Variants in ABCA12 observed in about 807,000 individuals in gnomAD.
The protein encoded by ABCA12 is ATP binding cassette subfamily A member 12.
Under a neutral mutation model 293.5 loss-of-function variants are expected in ABCA12, and 156 were observed. The observed-to-expected ratio is 0.53, with a 90% CI of 0.47 to 0.61. The LOEUF (loss-of-function observed/expected upper bound fraction) is 0.61. Ranked by LOEUF, ABCA12 falls within the 20% of genes least tolerant of loss-of-function variation. The pLI is 0.00. For synonymous variants in ABCA12, 1,063 were observed against 1,108.0 expected, an observed-to-expected ratio of 0.96 and a Z score of 0.81; for missense variants, 2,797 against 3,090.2, an observed-to-expected ratio of 0.91 and a Z score of 2.25.
intron 2 of ABCA12, among the ~76,000 whole-genome samples, chr2:215,098,842 G>A (rs778995534): frequency 1.6e-4 from 24 of 152,178 alleles, no homozygotes; most frequent in Admixed American, 8.5e-4. Flanking sequence ...GTGCCTCAAC[G>A]TGCAGGCCCT....
At chr2:215,004,525 G>A (rs540584626) in intron 19 of ABCA12, among the ~76,000 whole-genome samples, 3 of 152,280 alleles carry the variant, frequency 2.0e-5, no homozygotes, top group Admixed American at 6.5e-5. Flanking sequence ...AAATTGGTCA[G>A]CATGCACAGT....
At chr2:214,952,267 C>T (rs1462161168) in intron 44 of ABCA12, among the ~76,000 whole-genome samples, 1 of 147,744 alleles carries the variant, frequency 6.8e-6, no homozygotes, top group Non-Finnish European at 1.5e-5. Flanking sequence ...GTCACGCAGG[C>T]TGGAGTGCAG....
At chr2:215,038,627 G>A (rs971656177) in intron 7 of ABCA12, among the ~76,000 whole-genome samples, 1 of 152,132 alleles carries the variant, frequency 6.6e-6, no homozygotes, top group Non-Finnish European at 1.5e-5. Context: ...TCAGGTGTTG[G>A]GTTACTTCCA....
intron 3 of ABCA12, among the ~76,000 whole-genome samples, chr2:215,062,894 G>A (rs1371977988): frequency 6.6e-6 from 1 of 152,000 alleles, no homozygotes; most frequent in Admixed American, 6.6e-5. Flanking sequence ...ATTTGATCAT[G>A]CTGTTGCTTT....
intron 11 of ABCA12, among the ~76,000 whole-genome samples, chr2:215,024,687 G>A (rs1163382185): frequency 1.3e-5 from 2 of 152,130 alleles, no homozygotes; most frequent in Non-Finnish European, 2.9e-5. Context: ...TTGCATGCCT[G>A]CTTAATTATA....
At chr2:214,973,035 G>A (rs1479844303) in intron 36 of ABCA12, among the ~76,000 whole-genome samples, 1 of 151,526 alleles carries the variant, frequency 6.6e-6, no homozygotes, top group African/African-American at 2.4e-5. Flanking sequence ...ATGTTGCCAA[G>A]GCTGGTCTTG....
chr2:215,036,915 G>A (rs759972480), intron 8 of ABCA12, 38 bp downstream of exon 8: 1 of 1,553,036 alleles, frequency 6.4e-7, no homozygotes, highest in Admixed American at 1.7e-5. Context: ...TGGGCTTTGT[G>A]ACACTGAATT....
Position 215,036,974 on chromosome 2 carries a change from T to C in ABCA12, c.964A>G (p.Thr322Ala), listed in dbSNP as rs771454658. 3 of 1,613,804 alleles carry C rather than the reference T, an allele frequency of 1.9e-6. No individual in the cohort carries two copies. Among genetic ancestry groups the C allele is most frequent in the Non-Finnish European group, 2.5e-6 (3 of 1,179,812 alleles). Residue 322 changes from threonine to alanine, a missense_variant, in exon 8 of 53, where the codon ACT becomes GCT. This residue lies in a region of ABCA12 where 656 missense variants were observed against 638.2 expected (regional missense o/e 1.03). Coordinates refer to ENST00000272895, the MANE Select transcript of ABCA12 (RefSeq NM_173076.3). The part of the protein sequence containing the change: ...LQKSVKHLLY[T>A]LDSPAQGDSD... ...ATACCTTGAGCTGGGGAGTCCAGAG[T>C]GTACAGCAGATGTTTAACAGACTTC...
chr2:215,029,796 G>T (rs1398578331), intron 9 of ABCA12, among the ~76,000 whole-genome samples: 2 of 152,170 alleles, frequency 1.3e-5, no homozygotes, highest in African/African-American at 4.8e-5. Context: ...CTTCCCAAGA[G>T]TGCTTACCAT....
At chr2:215,101,585 G>C (rs1243303916) in intron 2 of ABCA12, among the ~76,000 whole-genome samples, 1 of 152,166 alleles carries the variant, frequency 6.6e-6, no homozygotes, top group Non-Finnish European at 1.5e-5. Flanking sequence ...TGTATTATTT[G>C]CTCCTTAGTT....
At chr2:215,060,102 T>C (rs1056018342) in intron 3 of ABCA12, among the ~76,000 whole-genome samples, 1 of 152,118 alleles carries the variant, frequency 6.6e-6, no homozygotes, top group Non-Finnish European at 1.5e-5. Context: ...CAATGTCTTA[T>C]GGTACCTGTG....
At chr2:214,971,952 G>A (rs1437922880) in intron 36 of ABCA12, among the ~76,000 whole-genome samples, 1 of 152,120 alleles carries the variant, frequency 6.6e-6, no homozygotes, top group African/African-American at 2.4e-5. Flanking sequence ...AGCCATTCTG[G>A]TGAGTGTGGA....
At chr2:215,094,043 G>C (rs2970954) in intron 2 of ABCA12, among the ~76,000 whole-genome samples, 28,112 of 152,178 alleles carry the variant, frequency 0.18, 3,757 homozygotes, top group East Asian at 0.43. Context: ...CACTCTACCC[G>C]CCTCCACTAC....
chr2:215,050,189 A>G (rs1271899870), intron 5 of ABCA12, among the ~76,000 whole-genome samples: 7 of 152,080 alleles, frequency 4.6e-5, no homozygotes, highest in Admixed American at 6.6e-5. Flanking sequence ...CTAACTCTTC[A>G]TGGCACTCAT....
chr2:214,987,895 T>A, intron 26 of ABCA12, 102 bp from the exon 27 acceptor site: 2 of 1,459,536 alleles, frequency 1.4e-6, no homozygotes, highest in South Asian at 2.5e-5. Flanking sequence ...GGAAGTAGTT[T>A]TATTTTTTGA....
chr2:214,937,230 G>A (rs913893133), intron 51 of ABCA12, among the ~76,000 whole-genome samples: 5 of 152,018 alleles, frequency 3.3e-5, no homozygotes, highest in Non-Finnish European at 5.9e-5. Context: ...ACAGAGTCTC[G>A]CTTTGTCACC....
intron 18 of ABCA12, among the ~76,000 whole-genome samples, chr2:215,009,676 A>G (rs1700329985): frequency 1.3e-5 from 2 of 152,158 alleles, no homozygotes; most frequent in South Asian, 2.1e-4. Flanking sequence ...AAATAATGTT[A>G]TGTTCATATA....
rs757005876 is a variant in ABCA12, at chr2:214,953,921, C to A, written c.6580G>T (p.Val2194Phe). ...GAAAAAAACATGGTGCCCTGAGAAA[C>A]CAAAGCCACAAACATTGCACCTAGT... Reference protein sequence around the residue: ...NKLGAMFVALVSQGTMFFSLR... With the variant: ...NKLGAMFVALFSQGTMFFSLR... Residue 2194 changes from valine to phenylalanine, a missense_variant, in exon 44 of 53, where the codon GTT becomes TTT. By Grantham distance (50) the Val-to-Phe change is conservative. Coordinates refer to ENST00000272895, the MANE Select transcript of ABCA12 (RefSeq NM_173076.3). 1.4e-5 allele frequency: 22 copies of A among 1,613,950 alleles called. No individual in the cohort carries two copies. Among genetic ancestry groups the A allele is most frequent in the Middle Eastern group, 3.3e-4 (2 of 6,058 alleles).
At position 215,015,610 on chromosome 2, in the gene ABCA12, G is replaced by A; in HGVS notation, c.1836C>T (p.Pro612=). Residue 612 remains proline (P), a synonymous_variant, in exon 15 of 53, where the codon CCC becomes CCT. Transcript: ENST00000272895. ...ATTCTTTCATTGCATCTTCTAGTTT[G>A]GGAGTGGTGATATTAGTATCACAGG... The part of the protein sequence containing the change: ...LHSCDTNITT[P]KLEDAMKEFC... 6.2e-7 allele frequency: 1 copy of A among 1,614,060 alleles called. No homozygotes were observed. The highest frequency in any genetic ancestry group is 1.1e-5 in the South Asian group (1 of 91,076).
Sources: allele counts gnomAD v4.1 joint callset (sites outside exome capture counted in the v4.1 genomes callset), GRCh38; gene constraint gnomAD v4.1.1; regional missense constraint gnomAD v4.1.1; transcripts MANE v1.5; gene names NCBI Gene and HGNC (gene_info 2026-07-23, HGNC 2026-07-21).